NFILZ: variants seen among roughly 807,000 people sequenced by gnomAD.
NFILZ encodes NFIL3 like basic leucine zipper.
At position 8,636,245 on chromosome 19, in the gene NFILZ, C is replaced by T. The variant is rs193163340; in HGVS notation, c.-164+499C>T. On this transcript the variant is annotated intron_variant, in intron 3 of 5. Coordinates refer to ENST00000691075, the MANE Select transcript of NFILZ (RefSeq NM_001378600.1). ...CGGGTGAATCACGGGGTCAGGAGTT[C>T]GAGACCAGCCTGACCAACATGGTGA... 8.7e-3 allele frequency among the ~76,000 whole-genome samples: 1,317 copies of T among 151,088 alleles called. 14 individuals are homozygous for T. The highest frequency in any genetic ancestry group is 0.026 in the African/African-American group (1,075 of 41,410).
At chr19:8,674,796 A>T (rs903718743) in intron 4 of NFILZ, among the ~76,000 whole-genome samples, 196 bp downstream of exon 4, 1 of 152,146 alleles carries the variant, frequency 6.6e-6, no homozygotes, top group African/African-American at 2.4e-5. Context: ...TCACATAACC[A>T]TGTAGCAACA....
At chr19:8,667,423 A>G (rs1347438836) in intron 3 of NFILZ, among the ~76,000 whole-genome samples, 2 of 152,208 alleles carry the variant, frequency 1.3e-5, no homozygotes, top group Non-Finnish European at 2.9e-5. Context: ...ATCCCTTGAT[A>G]TCTGGGGGGG....
At chr19:8,653,015 T>TTC (rs2042974247) in intron 3 of NFILZ, among the ~76,000 whole-genome samples, 5 of 46,158 alleles carry the variant, frequency 1.1e-4, no homozygotes, top group Admixed American at 7.8e-4. Flanking sequence ...TTCCTTCCTT[T>TTC]CTTTCTTTCT....
At chr19:8,656,537 CT>C (rs1389634072) in intron 3 of NFILZ, among the ~76,000 whole-genome samples, 1 of 122,646 alleles carries the variant, frequency 8.2e-6, no homozygotes, top group Non-Finnish European at 1.9e-5. Context: ...CTCTCTGAAG[CT>C]CCCCTTCTCC....
At chr19:8,675,116 CCAGGGATA>C (rs1206153198) in intron 4 of NFILZ, among the ~76,000 whole-genome samples, 1 of 152,126 alleles carries the variant, frequency 6.6e-6, no homozygotes, top group African/African-American at 2.4e-5. Context: ...ATGTTAGGTA[CCAGGGATA>C]CAAGAGTAGA....
rs150801363 is a variant in NFILZ at position 8,654,125 on chromosome 19, C to T, written c.-164+18379C>T. Among the ~76,000 whole-genome samples the T allele has an allele frequency of 1.5e-3, 227 of 151,926 alleles. 1 individual carries two copies. Among genetic ancestry groups the T allele is most frequent in the African/African-American group, 4.8e-3 (201 of 41,446 alleles). ...CAGGTGCCTGTAGTCCCAGCTAATC[C>T]GGAGGCTGAGGCAGGAGAATCACTT... On this transcript the variant is annotated intron_variant, in intron 3 of 5. Transcript: ENST00000691075.
intron 3 of NFILZ, among the ~76,000 whole-genome samples, chr19:8,649,132 T>G (rs2042954512): frequency 6.6e-6 from 1 of 151,112 alleles, no homozygotes; most frequent in African/African-American, 2.4e-5. Flanking sequence ...CTGGCTGACT[T>G]TCGTATTTTT....
chr19:8,669,603 G>A (rs1241545599), intron 3 of NFILZ, among the ~76,000 whole-genome samples: 6 of 152,168 alleles, frequency 3.9e-5, no homozygotes, highest in African/African-American at 1.4e-4. Flanking sequence ...ACCCTTCAGA[G>A]GTGCTATGCA....
At chr19:8,637,912 C>CAAAAAAAAAAAAAAAAAAAAAAAAAAAAA (rs35778716) in intron 3 of NFILZ, among the ~76,000 whole-genome samples, 2 of 20,274 alleles carry the variant, frequency 9.9e-5, no homozygotes, top group Non-Finnish European at 1.8e-4. Context: ...AAGATGGTCT[C>CAAAAAAAAAAAAAAAAAAAAAAAAAAAAA]AAAAAAAAAA....
At chr19:8,645,305 T>A (rs2042934588) in intron 3 of NFILZ, among the ~76,000 whole-genome samples, 1 of 150,390 alleles carries the variant, frequency 6.6e-6, no homozygotes, top group South Asian at 2.1e-4. Flanking sequence ...GGGTGATTTT[T>A]TTTTTTTTTT....
rs1189499952 is a variant in NFILZ, at chr19:8,679,936, G to A, written c.*2301G>A. ...CTGGAGGGCAAGGTGGCTCATGCCT[G>A]TAATCCTAGCACTTTGGGAGGCCAA... On this transcript the variant is annotated 3_prime_UTR_variant, in exon 6 of 6. Transcript: ENST00000691075. 6.6e-6 allele frequency among the ~76,000 whole-genome samples: 1 copy of A among 152,136 alleles called. No homozygotes were observed. The highest frequency in any genetic ancestry group is 2.4e-5 in the African/African-American group (1 of 41,428).
intron 3 of NFILZ, among the ~76,000 whole-genome samples, chr19:8,666,971 G>C (rs1555749886): frequency 1.3e-5 from 2 of 150,090 alleles, no homozygotes; most frequent in Non-Finnish European, 3.0e-5. Context: ...GTTGGTCTCG[G>C]ACTCCTAAGT....
intron 3 of NFILZ, among the ~76,000 whole-genome samples, chr19:8,647,897 G>T (rs560544496): frequency 1.1e-4 from 17 of 151,780 alleles, no homozygotes; most frequent in African/African-American, 4.1e-4. Context: ...GGGAAGCCAG[G>T]TGCGGTGGCT....
intron 3 of NFILZ, among the ~76,000 whole-genome samples, chr19:8,660,133 G>A (rs2043022935): frequency 6.6e-6 from 1 of 152,152 alleles, no homozygotes; most frequent in Non-Finnish European, 1.5e-5. Context: ...GGCAGGGTAG[G>A]CCCTGGGCTC....
intron 3 of NFILZ, among the ~76,000 whole-genome samples, chr19:8,655,504 A>G (rs1364516226): frequency 6.6e-6 from 1 of 152,162 alleles, no homozygotes; most frequent in Admixed American, 6.5e-5. Context: ...GAAAGCCACA[A>G]GCTTCAGGCT....
At chr19:8,661,269 C>T (rs1283840228) in intron 3 of NFILZ, among the ~76,000 whole-genome samples, 19 of 150,994 alleles carry the variant, frequency 1.3e-4, no homozygotes, top group Non-Finnish European at 1.5e-5. Flanking sequence ...TTCAAGCAAT[C>T]CTCCCACCTC....
chr19:8,667,437 G>T (rs1175036841), intron 3 of NFILZ, among the ~76,000 whole-genome samples: 3 of 152,112 alleles, frequency 2.0e-5, no homozygotes, highest in African/African-American at 7.2e-5. Flanking sequence ...GGGGGGGATT[G>T]GTTCTGGGGT....
At chr19:8,643,649 T>C (rs1410847798) in intron 3 of NFILZ, among the ~76,000 whole-genome samples, 1 of 152,180 alleles carries the variant, frequency 6.6e-6, no homozygotes, top group African/African-American at 2.4e-5. Flanking sequence ...CTTCTACCCC[T>C]GGTGCTCCTG....
chr19:8,657,310 G>T (rs2043009262), intron 3 of NFILZ, among the ~76,000 whole-genome samples: 1 of 151,702 alleles, frequency 6.6e-6, no homozygotes, highest in South Asian at 2.1e-4. Context: ...CATCATGTTG[G>T]CCAGGATGGT....
Sources: allele counts gnomAD v4.1 joint callset (sites outside exome capture counted in the v4.1 genomes callset), GRCh38; gene constraint gnomAD v4.1.1; transcripts MANE v1.5; gene names NCBI Gene and HGNC (gene_info 2026-07-23, HGNC 2026-07-21).